Variants in HTR1E observed in about 807,000 individuals in gnomAD.
The protein encoded by HTR1E is 5-hydroxytryptamine receptor 1E, also known as 5-HT-1E.
HTR1E carries 3 observed loss-of-function variants against 3.4 expected under a neutral mutation model. That is an observed-to-expected ratio of 0.89 (90% CI 0.41 to 2.31). The LOEUF (loss-of-function observed/expected upper bound fraction) is 2.31. Among genes scored for constraint, HTR1E ranks in the 30% most tolerant of loss-of-function variants. HTR1E has a pLI of 0.05. For missense variants in HTR1E, 392 were observed against 467.0 expected, an observed-to-expected ratio of 0.84 and a Z score of 1.48; for synonymous variants, 170 against 182.8, an observed-to-expected ratio of 0.93 and a Z score of 0.56.
chr6:86,997,252 A>G (rs374547032), intron 1 of HTR1E, among the ~76,000 whole-genome samples: 36 of 152,078 alleles, frequency 2.4e-4, no homozygotes, highest in African/African-American at 7.5e-4. Flanking sequence ...TTAATAGAGA[A>G]TAACTAAATG....
At chr6:86,983,310 T>C (rs1171942996) in intron 1 of HTR1E, among the ~76,000 whole-genome samples, 1 of 151,340 alleles carries the variant, frequency 6.6e-6, no homozygotes. Context: ...AACATACATA[T>C]CACTATCACT....
intron 1 of HTR1E, among the ~76,000 whole-genome samples, chr6:86,959,330 A>G (rs546009157): frequency 6.6e-6 from 1 of 152,328 alleles, no homozygotes; most frequent in African/African-American, 2.4e-5. Flanking sequence ...CTGTAACTGC[A>G]GCACTCTGGG....
intron 1 of HTR1E, among the ~76,000 whole-genome samples, chr6:86,979,402 G>A (rs1432467689): frequency 6.6e-6 from 1 of 152,098 alleles, no homozygotes; most frequent in Non-Finnish European, 1.5e-5. Flanking sequence ...TATTTCTGAA[G>A]GCCAAATAGT....
chr6:86,961,459 G>A (rs1767405504), intron 1 of HTR1E, among the ~76,000 whole-genome samples: 1 of 152,164 alleles, frequency 6.6e-6, no homozygotes, highest in Non-Finnish European at 1.5e-5. Flanking sequence ...TCAATTATAT[G>A]AGTTTAATTT....
At chr6:86,957,112 G>A (rs2127819400) in intron 1 of HTR1E, among the ~76,000 whole-genome samples, 1 of 152,290 alleles carries the variant, frequency 6.6e-6, no homozygotes, top group South Asian at 2.1e-4. Context: ...ACAAACCTAT[G>A]GCACTCAAAC....
chr6:86,983,882 A>AAT (rs1767748363), intron 1 of HTR1E, among the ~76,000 whole-genome samples: 1 of 152,270 alleles, frequency 6.6e-6, no homozygotes, highest in South Asian at 2.1e-4. Flanking sequence ...CCAATATATA[A>AAT]AACTGAAGAA....
Position 87,016,162 on chromosome 6 carries a change from A to G in HTR1E, c.828A>G (p.Gly276=), listed in dbSNP as rs1265584816. 6.2e-7 allele frequency: 1 copy of G among 1,614,154 alleles called. No individual in the cohort carries two copies. The highest frequency in any genetic ancestry group is 8.5e-7 in the Non-Finnish European group (1 of 1,180,018). The change falls in exon 2 of 2, where the codon GGA becomes GGG. Residue 276 remains glycine, a synonymous_variant. Coordinates refer to ENST00000305344, the MANE Select transcript of HTR1E (RefSeq NM_000865.3). ...PPFDNDLDHP[G]ERQQISSTRE... is the part of the protein sequence containing the mutation. Reference sequence around the variant, plus strand: ...TCGACAATGATCTAGATCACCCAGGAGAACGTCAGCAGATCTCTAGCACCA... The same window carrying G: ...TCGACAATGATCTAGATCACCCAGGGGAACGTCAGCAGATCTCTAGCACCA...
At chr6:86,994,414 A>C (rs1157017059) in intron 1 of HTR1E, among the ~76,000 whole-genome samples, 2 of 152,180 alleles carry the variant, frequency 1.3e-5, no homozygotes, top group African/African-American at 4.8e-5. Flanking sequence ...CAGGAGAAAA[A>C]AAAATTGAAT....
chr6:87,007,845 G>A (rs1469522380), intron 1 of HTR1E, among the ~76,000 whole-genome samples: 1 of 151,998 alleles, frequency 6.6e-6, no homozygotes, highest in Non-Finnish European at 1.5e-5. Flanking sequence ...GAGGCAGAAG[G>A]ATCGCTTGAC....
intron 1 of HTR1E, among the ~76,000 whole-genome samples, chr6:86,977,256 T>A (rs1282042068): frequency 6.6e-6 from 1 of 152,224 alleles, no homozygotes; most frequent in Non-Finnish European, 1.5e-5. Flanking sequence ...ACTCAGTGTT[T>A]AGCTTCCACT....
chr6:86,967,316 CA>C (rs1162493554), intron 1 of HTR1E, among the ~76,000 whole-genome samples: 5 of 151,852 alleles, frequency 3.3e-5, no homozygotes, highest in African/African-American at 1.2e-4. Context: ...TTAATGCCAC[CA>C]AGAAGGGATT....
At chr6:86,968,343 T>C (rs1437992927) in intron 1 of HTR1E, among the ~76,000 whole-genome samples, 1 of 152,232 alleles carries the variant, frequency 6.6e-6, no homozygotes, top group Non-Finnish European at 1.5e-5. Context: ...TAAGTGGAAT[T>C]GCTGAGCCAA....
At chr6:86,971,799 C>T (rs1197807426) in intron 1 of HTR1E, among the ~76,000 whole-genome samples, 1 of 152,072 alleles carries the variant, frequency 6.6e-6, no homozygotes, top group Non-Finnish European at 1.5e-5. Context: ...ATTCCATCGC[C>T]CAAGTAGCGA....
chr6:86,962,128 A>C (rs1767417065), intron 1 of HTR1E, among the ~76,000 whole-genome samples: 1 of 152,210 alleles, frequency 6.6e-6, no homozygotes, highest in Admixed American at 6.5e-5. Context: ...AAAGCAAGTA[A>C]GATTTTTGTT....
intron 1 of HTR1E, among the ~76,000 whole-genome samples, chr6:86,966,661 T>A (rs116504917): frequency 0.016 from 2,506 of 152,242 alleles, 68 homozygotes; most frequent in African/African-American, 0.056. Flanking sequence ...GAGAAGGAAC[T>A]TGCTGACATG....
At chr6:86,980,445 C>T (rs930263184) in intron 1 of HTR1E, among the ~76,000 whole-genome samples, 5 of 151,386 alleles carry the variant, frequency 3.3e-5, no homozygotes, top group Admixed American at 2.6e-4. Context: ...TGAAGAGGGA[C>T]GTGACAAGGC....
At chr6:86,961,646 C>T (rs1767409422) in intron 1 of HTR1E, among the ~76,000 whole-genome samples, 1 of 152,128 alleles carries the variant, frequency 6.6e-6, no homozygotes, top group African/African-American at 2.4e-5. Context: ...AGCTCTGACT[C>T]GGTGAAGAAA....
At chr6:86,956,991 G>T (rs1767335431) in intron 1 of HTR1E, among the ~76,000 whole-genome samples, 1 of 152,150 alleles carries the variant, frequency 6.6e-6, no homozygotes, top group Non-Finnish European at 1.5e-5. Context: ...CTTTCTTGGT[G>T]TTCACTGGGT....
At chr6:87,010,213 G>A (rs1324999629) in intron 1 of HTR1E, among the ~76,000 whole-genome samples, 5 of 106,832 alleles carry the variant, frequency 4.7e-5, no homozygotes, top group Admixed American at 9.0e-5. Flanking sequence ...CCTCCCGGAT[G>A]GGGTGGCTGG....
Sources: gnomAD v4.1 joint callset for allele counts (sites outside exome capture counted in the v4.1 genomes callset) on GRCh38, gnomAD v4.1.1 for gene constraint, MANE v1.5 for transcripts, NCBI Gene and HGNC (gene_info 2026-07-23, HGNC 2026-07-21) for gene names.